NRG1: variants seen among roughly 807,000 people sequenced by gnomAD.
NRG1 encodes the protein neuregulin 1.
In NRG1, 18 loss-of-function variants were observed where a neutral mutation model predicts 63.8. That is an observed-to-expected ratio of 0.28 (90% confidence interval 0.19 to 0.42). The LOEUF (loss-of-function observed/expected upper bound fraction) is 0.42, where lower values mean the gene tolerates loss of function less well. NRG1 is among the 10% of genes least tolerant of loss of function. NRG1 has a pLI of 1.00. For synonymous variants in NRG1, 302 were observed against 301.3 expected, an observed-to-expected ratio of 1.00 and a Z score of -0.02; for missense variants, 762 against 814.7, an observed-to-expected ratio of 0.94 and a Z score of 0.79.
intron 1 of NRG1, among the ~76,000 whole-genome samples, chr8:32,238,445 G>GA (rs111889956): frequency 0.15 from 15,411 of 106,082 alleles, 932 homozygotes; most frequent in Admixed American, 0.22. Flanking sequence ...TTCTCAAAAA[G>GA]AAAAAAAAAA....
At chr8:32,172,213 G>A (rs1012604356) in intron 1 of NRG1, among the ~76,000 whole-genome samples, 12 of 152,130 alleles carry the variant, frequency 7.9e-5, no homozygotes, top group East Asian at 3.9e-4. Flanking sequence ...TGCAGCCTCC[G>A]CTGCTGATAC....
rs772632425 is a variant in NRG1, at chr8:31,640,402, G to C, written c.37+971G>C. Reference sequence around the variant, plus strand: ...GCCGCTGCTCGCCGCCAACGGGACCGTGCCCTCTTGGCCCACCGCCCCGGT... The same window carrying C: ...GCCGCTGCTCGCCGCCAACGGGACCCTGCCCTCTTGGCCCACCGCCCCGGT... On this transcript the variant is annotated intron_variant, in intron 1 of 10. Transcript: ENST00000519301. The surrounding 1 kb of genome is among the most constrained non-coding windows in gnomAD (Gnocchi z 6.3). 2 of 1,456,770 alleles carry C rather than the reference G, an allele frequency of 1.4e-6. No individual in the cohort carries two copies. Among genetic ancestry groups the C allele is most frequent in the South Asian group, 2.7e-5 (2 of 73,362 alleles). The allele number at this position is 1,456,770 out of a possible 1,614,324, so 90.2% of individuals were successfully genotyped here.
intron 1 of NRG1, among the ~76,000 whole-genome samples, chr8:31,882,329 T>TAAA (rs745615085): frequency 0.013 from 1,042 of 79,808 alleles, 41 homozygotes; most frequent in African/African-American, 0.046. Flanking sequence ...GCTCAAAAAC[T>TAAA]AAAAAAAAAA....
At chr8:31,663,687 G>A (rs1806236892) in intron 1 of NRG1, among the ~76,000 whole-genome samples, 1 of 152,166 alleles carries the variant, frequency 6.6e-6, no homozygotes, top group African/African-American at 2.4e-5. Flanking sequence ...ATGGGGAAGA[G>A]GGCTGGGTTA....
chr8:32,178,786 G>T (rs1252197039), intron 1 of NRG1, among the ~76,000 whole-genome samples: 3 of 152,022 alleles, frequency 2.0e-5, no homozygotes, highest in African/African-American at 7.2e-5. Context: ...CATTTAGGAG[G>T]TAGGTTCGAT....
intron 1 of NRG1, among the ~76,000 whole-genome samples, chr8:31,996,609 C>T (rs775751547): frequency 1.3e-4 from 20 of 151,770 alleles, no homozygotes; most frequent in Non-Finnish European, 2.4e-4. Flanking sequence ...TATGGTAGCC[C>T]ATGCCCATGC....
chr8:31,648,957 CTTTTCT>C (rs1563253817), intron 1 of NRG1, among the ~76,000 whole-genome samples: 4 of 118,662 alleles, frequency 3.4e-5, no homozygotes, highest in Admixed American at 1.1e-4. Flanking sequence ...TTCTTTTTTT[CTTTTCT>C]TTTTTTTTTT....
chr8:31,878,174 A>T (rs1032459235), intron 1 of NRG1, among the ~76,000 whole-genome samples: 1 of 152,210 alleles, frequency 6.6e-6, no homozygotes, highest in East Asian at 1.9e-4. Flanking sequence ...TTATGGGTGC[A>T]GGCACCCAGG....
intron 1 of NRG1, among the ~76,000 whole-genome samples, chr8:32,283,792 T>C (rs1853175811): frequency 6.6e-6 from 1 of 152,236 alleles, no homozygotes; most frequent in Non-Finnish European, 1.5e-5. Flanking sequence ...TCCAGTTACC[T>C]GGCATTTCAT....
chr8:32,079,999 A>G (rs1827203276), intron 1 of NRG1, among the ~76,000 whole-genome samples: 1 of 152,166 alleles, frequency 6.6e-6, no homozygotes, highest in Non-Finnish European at 1.5e-5. Flanking sequence ...TAAAATATTT[A>G]TAGCAAAGGG....
rs111255229 is a variant in NRG1, at chr8:31,791,045, A to G, written c.37+151614A>G. On this transcript the variant is annotated intron_variant, in intron 1 of 10. Transcript: ENST00000519301. Reference sequence around the variant, plus strand: ...GCCAACATGGTGAAACCCTGTCCCTACTATAATAGAAAAATTAGCCAGGCA... The same window carrying G: ...GCCAACATGGTGAAACCCTGTCCCTGCTATAATAGAAAAATTAGCCAGGCA... 6.0e-3 allele frequency among the ~76,000 whole-genome samples: 918 copies of G among 152,102 alleles called. 6 individuals carry two copies. The highest frequency in any genetic ancestry group is 9.1e-3 in the Non-Finnish European group (618 of 67,990).
chr8:31,917,105 GC>G (rs1261025931), intron 1 of NRG1, among the ~76,000 whole-genome samples: 2 of 133,594 alleles, frequency 1.5e-5, no homozygotes, highest in African/African-American at 5.6e-5. Context: ...CTGGATATTA[GC>G]CCTTTGTCAG....
At chr8:32,720,858 A>G (rs1263793782) in intron 5 of NRG1, among the ~76,000 whole-genome samples, 1 of 152,194 alleles carries the variant, frequency 6.6e-6, no homozygotes, top group Non-Finnish European at 1.5e-5. Context: ...CTTTCCTGGC[A>G]ATCTTATTAT....
chr8:32,497,985 G>A (rs1043317805), intron 1 of NRG1, among the ~76,000 whole-genome samples: 5 of 151,952 alleles, frequency 3.3e-5, no homozygotes, highest in South Asian at 2.1e-4. Flanking sequence ...GACCATGCCC[G>A]GCTAATTTTG....
intron 1 of NRG1, among the ~76,000 whole-genome samples, chr8:31,834,305 G>GTGCGCACA (rs879917801): frequency 2.8e-5 from 4 of 144,244 alleles, no homozygotes; most frequent in African/African-American, 5.0e-5. Flanking sequence ...GCGCGCACGC[G>GTGCGCACA]CGCACACACA....
At chr8:32,235,654 AG>A (rs1188605478) in intron 1 of NRG1, among the ~76,000 whole-genome samples, 3 of 152,132 alleles carry the variant, frequency 2.0e-5, no homozygotes, top group Admixed American at 1.3e-4. Context: ...CTGGGGTTGA[AG>A]GGTTCCCCAG....
intron 1 of NRG1, among the ~76,000 whole-genome samples, chr8:32,591,289 G>A (rs1842483625): frequency 6.6e-6 from 1 of 152,156 alleles, no homozygotes; most frequent in Non-Finnish European, 1.5e-5. Context: ...CACATCTGAT[G>A]ATTTTGGAAC....
chr8:32,598,765 G>T (rs985608402), intron 2 of NRG1, among the ~76,000 whole-genome samples: 1 of 152,062 alleles, frequency 6.6e-6, no homozygotes, highest in Non-Finnish European at 1.5e-5. Flanking sequence ...TTAGAATTGG[G>T]TATTTTGTCA....
chr8:31,735,894 T>A (rs1442154234), intron 1 of NRG1, among the ~76,000 whole-genome samples: 2 of 152,176 alleles, frequency 1.3e-5, no homozygotes, highest in African/African-American at 4.8e-5. Flanking sequence ...ACTTGGCACT[T>A]CTTACCACTT....
Sources: allele counts gnomAD v4.1 joint callset (sites outside exome capture counted in the v4.1 genomes callset), GRCh38; gene constraint gnomAD v4.1.1; non-coding constraint Gnocchi (gnomAD v3.1); transcripts MANE v1.5; gene names NCBI Gene and HGNC (gene_info 2026-07-23, HGNC 2026-07-21).